PHC2: variants seen among roughly 807,000 people sequenced by gnomAD.
PHC2 encodes the protein polyhomeotic homolog 2, also known as polyhomeotic-like protein 2.
Under a neutral mutation model 87.4 loss-of-function variants are expected in PHC2, and 29 were observed. The ratio of observed to expected loss-of-function variants is 0.33; its 90% confidence interval spans 0.25 to 0.45. The LOEUF (loss-of-function observed/expected upper bound fraction) is 0.45. PHC2 is among the 20% of genes least tolerant of loss of function. The pLI is 1.00. For missense variants in PHC2, 857 were observed against 1,136.7 expected, an observed-to-expected ratio of 0.75 and a Z score of 3.54; for synonymous variants, 438 against 461.7, an observed-to-expected ratio of 0.95 and a Z score of 0.66.
At chr1:33,363,032 T>C (rs1046360188) in intron 7 of PHC2, 1 of 152,174 alleles carries the variant, frequency 6.6e-6, no homozygotes, top group Non-Finnish European at 1.5e-5. Flanking sequence ...ATGTGGAACA[T>C]GGCTGTTCAT....
intron 1 of PHC2, among the ~76,000 whole-genome samples, chr1:33,429,977 G>A (rs1288604075): frequency 2.0e-5 from 3 of 152,192 alleles, no homozygotes; most frequent in African/African-American, 7.2e-5. Context: ...AACTCCCAGG[G>A]CAAGCTTAGT....
At chr1:33,403,661 A>G (rs937000197) in intron 1 of PHC2, among the ~76,000 whole-genome samples, 1 of 152,222 alleles carries the variant, frequency 6.6e-6, no homozygotes, top group Non-Finnish European at 1.5e-5. Context: ...CTCTACGGAA[A>G]GGTACTGTGG....
rs1236121748 is a variant in PHC2, at chr1:33,354,565, G to C, written c.1394C>G (p.Pro465Arg). The C allele has an allele frequency of 6.2e-7, 1 of 1,612,598 alleles. No individual in the cohort carries two copies. Among genetic ancestry groups the C allele is most frequent in the Non-Finnish European group, 8.5e-7 (1 of 1,179,154 alleles). Reference protein sequence around the residue: ...ILQLQPASPVPQQCVPDDWKE... With the variant: ...ILQLQPASPVRQQCVPDDWKE... ...CCAGTCATCAGGGACACACTGCTGG[G>C]GCTGTCAAAGGACAGGACAGAGAGG... Residue 465 changes from proline to arginine, a missense_variant and splice_region_variant, in exon 9 of 15, where the codon CCC (proline) becomes CGC (arginine). Around this residue, in one of 3 missense-constraint regions of PHC2, gnomAD observed 832 missense variants for 1,081.8 expected, o/e 0.77. Transcript: ENST00000683057.
At chr1:33,354,148 G>A (rs1570475768) in intron 9 of PHC2, among the ~76,000 whole-genome samples, 1 of 152,322 alleles carries the variant, frequency 6.6e-6, no homozygotes, top group Middle Eastern at 3.4e-3. Flanking sequence ...CCAGTGACAT[G>A]CAGGTAGGCC....
At chr1:33,325,451 C>G (rs1646348949) in intron 14 of PHC2, 1 of 194,570 alleles carries the variant, frequency 5.1e-6, no homozygotes, top group South Asian at 8.1e-5. Flanking sequence ...AGCCAAGGCC[C>G]TGGTGGTCCC....
intron 1 of PHC2, among the ~76,000 whole-genome samples, chr1:33,401,445 C>T (rs569356261): frequency 6.6e-6 from 1 of 152,294 alleles, no homozygotes; most frequent in East Asian, 1.9e-4. Flanking sequence ...TCGAGCTCTA[C>T]TAGTTAAGAA....
In PHC2 at chr1:33,332,517, C is replaced by A; in HGVS notation, c.1762-113G>T. 8.0e-7 allele frequency: 1 copy of A among 1,247,164 alleles called. No individual in the cohort carries two copies. The highest frequency in any genetic ancestry group is 1.1e-6 in the Non-Finnish European group (1 of 872,082). The allele number at this position is 1,247,164 out of a possible 1,614,324, so 77.3% of individuals were successfully genotyped here. On this transcript the variant is annotated intron_variant, in intron 10 of 14. Coordinates refer to ENST00000683057, the MANE Select transcript of PHC2 (RefSeq NM_001385109.1). This position sits in a 1 kb window ranked among gnomAD's most constrained non-coding sequence, Gnocchi z 4.2. ...TATCCAGGCACAGAGGCCAGCCCTC[C>A]TCAAACCTTCCCCCATGTCATCATC... is the stretch of plus-strand genomic sequence containing the variant.
intron 1 of PHC2, among the ~76,000 whole-genome samples, chr1:33,421,127 ATGT>A (rs10535128): frequency 0.38 from 57,678 of 151,902 alleles, 11,547 homozygotes; most frequent in South Asian, 0.52. Context: ...TTCAGGAGAA[ATGT>A]TGTCTTATCT....
At chr1:33,374,028 G>A (rs1394687970) in intron 2 of PHC2, among the ~76,000 whole-genome samples, 4 of 152,120 alleles carry the variant, frequency 2.6e-5, no homozygotes, top group East Asian at 1.9e-4. Context: ...CTCCTCTGAC[G>A]TGAACACCCC....
At chr1:33,427,415 T>C (rs566305491) in intron 1 of PHC2, among the ~76,000 whole-genome samples, 1 of 152,218 alleles carries the variant, frequency 6.6e-6, no homozygotes, top group South Asian at 2.1e-4. Flanking sequence ...ACAGGGAAAA[T>C]TAATCTTCCG....
intron 9 of PHC2, chr1:33,347,717 G>A (rs1646871175): frequency 2.0e-5 from 20 of 985,472 alleles, no homozygotes; most frequent in Non-Finnish European, 2.4e-5. Flanking sequence ...CTGTGTGCAT[G>A]GACGAGCCTG....
rs1055653059 is a variant in PHC2, at chr1:33,347,161, G to T, written c.1558+7240C>A. The T allele has an allele frequency of 7.1e-6, 7 of 985,298 alleles. No individual in the cohort carries two copies. In the Admixed American group the frequency reaches 1.8e-4, roughly 26 times the overall value. 61.0% of individuals were successfully genotyped at this position (985,298 alleles called of 1,614,324 possible). A position where few individuals can be genotyped will look rare whatever the true frequency, so the allele number is the denominator to read the frequency against. ...AGCCAGAGCAAGGAACAGGCACAGG[G>T]TCATAGCTGAGGGAAGGGCTTGGTG... On this transcript the variant is annotated intron_variant, in intron 9 of 14. Coordinates refer to ENST00000683057, the MANE Select transcript of PHC2 (RefSeq NM_001385109.1).
intron 9 of PHC2, chr1:33,347,072 G>A (rs951756315): frequency 4.1e-6 from 4 of 985,442 alleles, no homozygotes; most frequent in Non-Finnish European, 4.8e-6. Context: ...CAAAGTATCT[G>A]AGACAGGAAA....
intron 1 of PHC2, among the ~76,000 whole-genome samples, chr1:33,389,185 G>C (rs932547079): frequency 6.6e-6 from 1 of 152,094 alleles, no homozygotes; most frequent in Non-Finnish European, 1.5e-5. Context: ...GCAGGGTGTG[G>C]GGGGTGCGAA....
chr1:33,422,964 A>T (rs1650487313), intron 1 of PHC2, among the ~76,000 whole-genome samples: 1 of 152,074 alleles, frequency 6.6e-6, no homozygotes. Context: ...TCACATTATT[A>T]ACCTGTTTAA....
chr1:33,349,883 C>T lies in PHC2; in HGVS notation c.1558+4518G>A, dbSNP rs1646931180. 2.0e-6 allele frequency: 2 copies of T among 978,256 alleles called. No homozygotes were observed. Among genetic ancestry groups the T allele is most frequent in the Middle Eastern group, 5.2e-4 (1 of 1,910 alleles). The allele number at this position is 978,256 out of a possible 1,614,324, so 60.6% of individuals were successfully genotyped here. A position where few individuals can be genotyped will look rare whatever the true frequency, so the allele number is the denominator to read the frequency against. ...GCGGCGGGCGCTCGAGGGCTGCAGC[C>T]GCCGCGGAGACAATGCGGCGAGTCT... On this transcript the variant is annotated intron_variant, in intron 9 of 14. Transcript: ENST00000683057. The surrounding 1 kb of genome is among the most constrained non-coding windows in gnomAD (Gnocchi z 4.2).
In PHC2 at chr1:33,326,863, T is replaced by C. The variant is rs533885594; in HGVS notation, c.2426-1844A>G. ...GCTACTCAAGAGGCTGAGGCAGAAT[T>C]GCTTGAACCCAGGAGGCGGAGGTTG... On this transcript the variant is annotated intron_variant, in intron 14 of 14. Coordinates refer to ENST00000683057, the MANE Select transcript of PHC2 (RefSeq NM_001385109.1). 3.1e-3 allele frequency among the ~76,000 whole-genome samples: 468 copies of C among 152,194 alleles called. 2 individuals carry two copies. The highest frequency in any genetic ancestry group is 5.5e-3 in the Non-Finnish European group (371 of 67,998).
At chr1:33,362,385 G>C (rs887449214) in intron 7 of PHC2, among the ~76,000 whole-genome samples, 12 of 152,138 alleles carry the variant, frequency 7.9e-5, no homozygotes, top group Admixed American at 6.5e-5. Flanking sequence ...TTTCCAGAGA[G>C]GAAGATGCAT....
At chr1:33,424,073 G>C (rs141367674) in intron 1 of PHC2, among the ~76,000 whole-genome samples, 2,633 of 145,026 alleles carry the variant, frequency 0.018, 69 homozygotes, top group African/African-American at 0.062. Flanking sequence ...ACTCCAGCCA[G>C]GTCGACAGAA....
Sources: gnomAD v4.1 joint callset for allele counts (sites outside exome capture counted in the v4.1 genomes callset) on GRCh38, gnomAD v4.1.1 for gene constraint, gnomAD v4.1.1 regional missense constraint, Gnocchi (gnomAD v3.1) non-coding constraint, MANE v1.5 for transcripts, NCBI Gene and HGNC (gene_info 2026-07-23, HGNC 2026-07-21) for gene names.